PTPRT: variants seen among roughly 807,000 people sequenced by gnomAD.
PTPRT encodes the protein protein tyrosine phosphatase receptor type T, also known as receptor-type tyrosine-protein phosphatase T.
In PTPRT, 56 loss-of-function variants were observed where a neutral mutation model predicts 176.8. That is an observed-to-expected ratio of 0.32 (90% CI 0.26 to 0.40). PTPRT has a LOEUF of 0.40. Among genes scored for constraint, PTPRT ranks in the 10% least tolerant of loss-of-function variants. The probability of loss-of-function intolerance (pLI) is 1.00; values close to 1 mark genes in which losing one functional copy is unlikely to be tolerated. For synonymous variants in PTPRT, 783 were observed against 739.0 expected (o/e 1.06, Z -0.96); for missense variants, 1,540 against 1,908.2 (o/e 0.81, Z 3.60).
intron 7 of PTPRT, among the ~76,000 whole-genome samples, chr20:42,568,316 G>C (rs1366893998): frequency 6.6e-6 from 1 of 152,064 alleles, no homozygotes; most frequent in Non-Finnish European, 1.5e-5. Flanking sequence ...ACATGTGTTG[G>C]GGGCTTTCAC....
chr20:42,348,640 T>C (rs1291498259), intron 11 of PTPRT, among the ~76,000 whole-genome samples: 2 of 152,156 alleles, frequency 1.3e-5, no homozygotes, highest in African/African-American at 2.4e-5. Flanking sequence ...TAGTGTTATA[T>C]ATAGAGACAA....
rs750102292 is a variant in PTPRT at position 42,350,653 on chromosome 20, C to T, written c.1840G>A (p.Ala614Thr). ...CTGACAGGAGCTCCCCGGGACTGAG[C>T]GGGTTTCAGCATCACTGTGATGGTC... ...DTTITVMLKP[A>T]QSRGAPVSVY... Residue 614 changes from alanine to threonine, a missense_variant, in exon 11 of 31, where the codon GCT (alanine) becomes ACT (threonine). Ala to Thr is a moderately conservative substitution (Grantham distance 58, BLOSUM62 0). This residue lies in a region of PTPRT where 81 missense variants were observed against 89.9 expected (regional missense o/e 0.90). Coordinates refer to ENST00000373187, the MANE Select transcript of PTPRT (RefSeq NM_007050.6). 1.9e-6 allele frequency: 3 copies of T among 1,612,736 alleles called. No homozygotes were observed. Among genetic ancestry groups the T allele is most frequent in the East Asian group, 2.2e-5 (1 of 44,878 alleles).
At chr20:42,645,448 C>T (rs2074870459) in intron 7 of PTPRT, among the ~76,000 whole-genome samples, 2 of 152,166 alleles carry the variant, frequency 1.3e-5, no homozygotes, top group South Asian at 2.1e-4. Context: ...CCCATTAACA[C>T]ACCCTTCATT....
At chr20:42,684,159 C>A (rs945109464) in intron 6 of PTPRT, among the ~76,000 whole-genome samples, 1 of 152,090 alleles carries the variant, frequency 6.6e-6, no homozygotes, top group African/African-American at 2.4e-5. Context: ...TTGAGACCAG[C>A]CTGACCAACA....
chr20:42,455,867 C>G (rs969124061), intron 8 of PTPRT, among the ~76,000 whole-genome samples: 1 of 152,046 alleles, frequency 6.6e-6, no homozygotes, highest in Admixed American at 6.6e-5. Context: ...AAGTCTACTA[C>G]TTTGTACTTC....
At chr20:42,662,035 G>A (rs1037361101) in intron 7 of PTPRT, among the ~76,000 whole-genome samples, 1 of 152,180 alleles carries the variant, frequency 6.6e-6, no homozygotes, top group Non-Finnish European at 1.5e-5. Context: ...CAAAGGGCTA[G>A]CCCCTCAGAC....
chr20:42,818,531 G>A (rs2145645688), intron 2 of PTPRT, among the ~76,000 whole-genome samples: 1 of 152,338 alleles, frequency 6.6e-6, no homozygotes, highest in East Asian at 1.9e-4. Context: ...AAACTGGATG[G>A]AGGATCAGAC....
At chr20:42,901,299 G>T (rs761225539) in intron 1 of PTPRT, among the ~76,000 whole-genome samples, 5 of 152,060 alleles carry the variant, frequency 3.3e-5, no homozygotes, top group Non-Finnish European at 7.4e-5. Flanking sequence ...TTCCTGATAA[G>T]CTGTCATGAG....
chr20:42,248,608 A>C, intron 14 of PTPRT, 79 bp downstream of exon 14: 4 of 1,535,466 alleles, frequency 2.6e-6, no homozygotes, highest in Non-Finnish European at 3.6e-6. Flanking sequence ...AATGATCAAC[A>C]GAGCAAAAAC....
intron 7 of PTPRT, among the ~76,000 whole-genome samples, chr20:42,573,833 C>T (rs2145697967): frequency 6.8e-6 from 1 of 147,334 alleles, no homozygotes; most frequent in Middle Eastern, 3.6e-3. Context: ...ACTGCATGCT[C>T]CGCCCCTCCA....
chr20:42,277,884 T>TCATCCATCCATCCATCCATCCATC (rs60397646), intron 13 of PTPRT, among the ~76,000 whole-genome samples: 1 of 139,692 alleles, frequency 7.2e-6, no homozygotes, highest in Non-Finnish European at 1.6e-5. Context: ...AGTCATCCAC[T>TCATCCATCCATCCATCCATCCATC]CATCCATCCA....
intron 6 of PTPRT, among the ~76,000 whole-genome samples, chr20:42,727,504 T>C (rs1427939720): frequency 6.6e-6 from 1 of 152,194 alleles, no homozygotes; most frequent in Non-Finnish European, 1.5e-5. Context: ...CAGGAGACTG[T>C]GGACCATGGG....
In PTPRT at chr20:43,014,295, C is replaced by A. The variant is rs576958517; in HGVS notation, c.89-128363G>T. On this transcript the variant is annotated intron_variant, in intron 1 of 30. Coordinates refer to ENST00000373187, the MANE Select transcript of PTPRT (RefSeq NM_007050.6). ...ATATAACAAGATAAGCCTACACTTC[C>A]AGCTCATTTGGCAGATACTATGAGG... is the stretch of plus-strand genomic sequence containing the variant. 2.6e-5 allele frequency among the ~76,000 whole-genome samples: 4 copies of A among 152,318 alleles called. No homozygotes were observed. In the East Asian group the frequency reaches 7.7e-4, roughly 29 times the overall value.
In PTPRT at chr20:43,176,378, T is replaced by C. The variant is rs537250223; in HGVS notation, c.88+13268A>G. On this transcript the variant is annotated intron_variant, in intron 1 of 30. Coordinates refer to ENST00000373187, the MANE Select transcript of PTPRT (RefSeq NM_007050.6). ...GCACAGCAGCACAATCATAGCTCACTGCAGCCGCAAACAGACATCACTTTT... is the reference window on the plus strand; with the variant it reads ...GCACAGCAGCACAATCATAGCTCACCGCAGCCGCAAACAGACATCACTTTT... 7.2e-5 allele frequency among the ~76,000 whole-genome samples: 11 copies of C among 152,392 alleles called. No homozygotes were observed. In the East Asian group the frequency reaches 1.3e-3, roughly 19 times the overall value.
Position 42,691,586 on chromosome 20 carries a change from C to T in PTPRT, c.860-13427G>A, listed in dbSNP as rs541180289. Among the ~76,000 whole-genome samples the T allele has an allele frequency of 5.9e-5, 9 of 152,168 alleles. No individual in the cohort carries two copies. The South Asian group carries it at 1.5e-3, about 25-fold the overall frequency. Reference sequence around the variant, plus strand: ...GTGGGAAGAGTTTAAGAGATGACACCCTCCCTTATGCAAAGGAACTGAAAA... The same window carrying T: ...GTGGGAAGAGTTTAAGAGATGACACTCTCCCTTATGCAAAGGAACTGAAAA... On this transcript the variant is annotated intron_variant, in intron 6 of 30. Coordinates refer to ENST00000373187, the MANE Select transcript of PTPRT (RefSeq NM_007050.6).
intron 2 of PTPRT, among the ~76,000 whole-genome samples, chr20:42,833,597 A>T (rs1371993431): frequency 1.3e-5 from 2 of 151,880 alleles, no homozygotes; most frequent in East Asian, 3.9e-4. Flanking sequence ...AAGGAAAAAA[A>T]GACTAAACAT....
At chr20:42,507,730 C>T (rs771523563) in intron 7 of PTPRT, among the ~76,000 whole-genome samples, 4 of 152,082 alleles carry the variant, frequency 2.6e-5, no homozygotes, top group South Asian at 4.2e-4. Flanking sequence ...AAAATGCCAG[C>T]GGGCCGGTTT....
At chr20:42,557,019 T>C (rs548493611) in intron 7 of PTPRT, among the ~76,000 whole-genome samples, 1 of 152,174 alleles carries the variant, frequency 6.6e-6, no homozygotes, top group South Asian at 2.1e-4. Flanking sequence ...CAGACACTTT[T>C]CGCTACTGGG....
intron 7 of PTPRT, among the ~76,000 whole-genome samples, chr20:42,542,230 T>A (rs1379700468): frequency 6.6e-6 from 1 of 152,144 alleles, no homozygotes; most frequent in Non-Finnish European, 1.5e-5. Flanking sequence ...ATTAGCAGCA[T>A]AAGAACAGAC....
Sources: allele counts gnomAD v4.1 joint callset (sites outside exome capture counted in the v4.1 genomes callset), GRCh38; gene constraint gnomAD v4.1.1; regional missense constraint gnomAD v4.1.1; transcripts MANE v1.5; gene names NCBI Gene and HGNC (gene_info 2026-07-23, HGNC 2026-07-21).